Variants in UNC5D observed in about 807,000 individuals in gnomAD.
UNC5D encodes netrin receptor UNC5D.
UNC5D carries 39 observed loss-of-function variants against 105.4 expected under a neutral mutation model. That is an observed-to-expected ratio of 0.37 (90% CI 0.29 to 0.48). The LOEUF (loss-of-function observed/expected upper bound fraction) is 0.48, where lower values mean the gene tolerates loss of function less well. Ranked by LOEUF, UNC5D falls within the 20% of genes least tolerant of loss-of-function variation. UNC5D has a pLI of 0.98. For synonymous variants in UNC5D, 452 were observed against 450.4 expected, an observed-to-expected ratio of 1.00 and a Z score of -0.04; for missense variants, 991 against 1,202.4, an observed-to-expected ratio of 0.82 and a Z score of 2.60.
intron 7 of UNC5D, among the ~76,000 whole-genome samples, chr8:35,700,068 C>A (rs1827082996): frequency 6.6e-6 from 1 of 152,176 alleles, no homozygotes; most frequent in South Asian, 2.1e-4. Flanking sequence ...AGTGTTGTTG[C>A]CAATGCAAAG....
intron 1 of UNC5D, among the ~76,000 whole-genome samples, chr8:35,539,135 A>G (rs960013575): frequency 6.6e-6 from 1 of 152,160 alleles, no homozygotes; most frequent in Admixed American, 6.6e-5. Context: ...AATATATTAC[A>G]AATATATGTG....
At chr8:35,455,972 C>A (rs1023822287) in intron 1 of UNC5D, among the ~76,000 whole-genome samples, 2 of 152,116 alleles carry the variant, frequency 1.3e-5, no homozygotes, top group African/African-American at 4.8e-5. Context: ...CAAACCATAT[C>A]CCTTGTAAAA....
intron 4 of UNC5D, among the ~76,000 whole-genome samples, chr8:35,672,779 G>C (rs1586389998): frequency 6.6e-6 from 1 of 152,078 alleles, no homozygotes; most frequent in Non-Finnish European, 1.5e-5. Context: ...TACAGTTTCA[G>C]TAAACAGTGG....
chr8:35,686,366 G>A (rs945513373), intron 6 of UNC5D, among the ~76,000 whole-genome samples, 179 bp from the exon 7 acceptor site: 2 of 152,150 alleles, frequency 1.3e-5, no homozygotes, highest in African/African-American at 2.4e-5. Context: ...CACTGCTTTT[G>A]TAAGCCTGTC....
chr8:35,665,640 ATTT>A (rs376152620), intron 4 of UNC5D, among the ~76,000 whole-genome samples: 3 of 124,056 alleles, frequency 2.4e-5, no homozygotes, highest in Non-Finnish European at 1.7e-5. Context: ...AGAAGGTGCC[ATTT>A]TTTTTTTTTT....
At chr8:35,787,614 TTTTG>T (rs753644872) in intron 16 of UNC5D, among the ~76,000 whole-genome samples, 8 of 150,990 alleles carry the variant, frequency 5.3e-5, no homozygotes, top group Non-Finnish European at 8.8e-5. Flanking sequence ...TGTTCGGTTT[TTTTG>T]TTTGTTTGTC....
chr8:35,756,455 T>C (rs1471434305), intron 13 of UNC5D, among the ~76,000 whole-genome samples: 1 of 151,604 alleles, frequency 6.6e-6, no homozygotes, highest in East Asian at 1.9e-4. Flanking sequence ...AGGGCAAATA[T>C]AGATTGACTT....
At chr8:35,783,985 AT>A (rs1310212238) in intron 16 of UNC5D, among the ~76,000 whole-genome samples, 1 of 152,168 alleles carries the variant, frequency 6.6e-6, no homozygotes, top group Non-Finnish European at 1.5e-5. Context: ...TTAAGATTCT[AT>A]AAAAAAATTT....
intron 1 of UNC5D, among the ~76,000 whole-genome samples, chr8:35,313,591 T>C (rs2980408): frequency 0.36 from 54,900 of 152,052 alleles, 10,927 homozygotes; most frequent in Middle Eastern, 0.45. Flanking sequence ...GGAGACCTGA[T>C]TGATTACACT....
At chr8:35,265,146 C>G (rs1367269663) in intron 1 of UNC5D, among the ~76,000 whole-genome samples, 1 of 152,074 alleles carries the variant, frequency 6.6e-6, no homozygotes, top group African/African-American at 2.4e-5. Context: ...TTAAAGTGAC[C>G]TTATTTAGAC....
At chr8:35,606,234 G>T (rs1048129881) in intron 4 of UNC5D, among the ~76,000 whole-genome samples, 1 of 151,940 alleles carries the variant, frequency 6.6e-6, no homozygotes. Context: ...GATCCACCCA[G>T]CTCATCCTCT....
intron 1 of UNC5D, among the ~76,000 whole-genome samples, chr8:35,263,014 C>T (rs1469384793): frequency 6.6e-6 from 1 of 152,176 alleles, no homozygotes; most frequent in Non-Finnish European, 1.5e-5. Context: ...CCTCAGGCTA[C>T]CATTCCAGTT....
At position 35,466,419 on chromosome 8, in the gene UNC5D, G is replaced by A. The variant is rs1023416869; in HGVS notation, c.104-82873G>A. Reference sequence around the variant, plus strand: ...CTTGGATTTGAGTGTCCAGGAAGTAGGATTTATATATAATTTGTCTTTGCA... The same window carrying A: ...CTTGGATTTGAGTGTCCAGGAAGTAAGATTTATATATAATTTGTCTTTGCA... On this transcript the variant is annotated intron_variant, in intron 1 of 16. Coordinates refer to ENST00000404895, the MANE Select transcript of UNC5D (RefSeq NM_080872.4). Among the ~76,000 whole-genome samples, 10 of 152,178 alleles carry A rather than the reference G, an allele frequency of 6.6e-5. No homozygotes were observed. In the South Asian group the frequency reaches 2.1e-3, roughly 32 times the overall value.
intron 1 of UNC5D, among the ~76,000 whole-genome samples, chr8:35,417,218 C>T (rs773013231): frequency 2.0e-5 from 3 of 152,114 alleles, no homozygotes; most frequent in Admixed American, 1.3e-4. Context: ...ATGTCTACCT[C>T]TCTCCCACCC....
chr8:35,473,233 C>T (rs1025516193), intron 1 of UNC5D, among the ~76,000 whole-genome samples: 3 of 152,126 alleles, frequency 2.0e-5, no homozygotes, highest in African/African-American at 7.2e-5. Flanking sequence ...GGGGATGTCC[C>T]AGAGGATGGG....
intron 1 of UNC5D, among the ~76,000 whole-genome samples, chr8:35,537,753 A>G (rs987063601): frequency 2.7e-5 from 4 of 150,676 alleles, no homozygotes; most frequent in Non-Finnish European, 4.4e-5. Context: ...ATAATTAAAT[A>G]AATACAAATT....
chr8:35,410,741 T>A (rs963849814), intron 1 of UNC5D, among the ~76,000 whole-genome samples: 1 of 151,784 alleles, frequency 6.6e-6, no homozygotes, highest in Non-Finnish European at 1.5e-5. Flanking sequence ...GAAAACAGAG[T>A]CTCAAAGAGA....
Position 35,753,696 on chromosome 8 carries a change from G to C in UNC5D, c.2163+2887G>C, listed in dbSNP as rs988253346. Among the ~76,000 whole-genome samples the C allele has an allele frequency of 2.0e-5, 3 of 152,122 alleles. No homozygotes were observed. In the East Asian group the frequency reaches 5.8e-4, roughly 29 times the overall value. ...CTCCTACAATGGCAAATAAAGCTGC[G>C]TTTGGTTGTACTTGTTATTGACAGG... On this transcript the variant is annotated intron_variant, in intron 13 of 16. Coordinates refer to ENST00000404895, the MANE Select transcript of UNC5D (RefSeq NM_080872.4).
intron 1 of UNC5D, among the ~76,000 whole-genome samples, chr8:35,459,196 T>C (rs1284613635): frequency 1.3e-5 from 2 of 152,186 alleles, no homozygotes; most frequent in African/African-American, 4.8e-5. Context: ...TAAATAATTC[T>C]GGCTCCTTAA....
Sources: gnomAD v4.1 joint callset for allele counts (sites outside exome capture counted in the v4.1 genomes callset) on GRCh38, gnomAD v4.1.1 for gene constraint, MANE v1.5 for transcripts, NCBI Gene and HGNC (gene_info 2026-07-23, HGNC 2026-07-21) for gene names.